Variants in GAB2 observed in about 807,000 individuals in gnomAD.
The protein encoded by GAB2 is GRB2 associated binding protein 2.
Under a neutral mutation model 65.5 loss-of-function variants are expected in GAB2, and 26 were observed. The ratio of observed to expected loss-of-function variants is 0.40; its 90% confidence interval spans 0.29 to 0.55. The LOEUF is 0.55. Ranked by LOEUF, GAB2 falls within the 20% of genes least tolerant of loss-of-function variation. GAB2 has a pLI of 0.53. For synonymous variants in GAB2, 321 were observed against 329.6 expected, an observed-to-expected ratio of 0.97 and a Z score of 0.28; for missense variants, 884 against 875.8, an observed-to-expected ratio of 1.01 and a Z score of -0.12.
intron 1 of GAB2, among the ~76,000 whole-genome samples, chr11:78,360,246 T>C (rs963171847): frequency 6.6e-6 from 1 of 152,108 alleles, no homozygotes; most frequent in African/African-American, 2.4e-5. Flanking sequence ...AGCCAACAAA[T>C]TTGTAGTCAT....
chr11:78,326,766 G>A (rs1382281986), intron 1 of GAB2, among the ~76,000 whole-genome samples: 9 of 152,150 alleles, frequency 5.9e-5, no homozygotes, highest in South Asian at 2.1e-4. Context: ...GAATTTTTCA[G>A]TCATCTCAGA....
At chr11:78,294,589 T>A (rs956992149) in intron 1 of GAB2, among the ~76,000 whole-genome samples, 1 of 152,094 alleles carries the variant, frequency 6.6e-6, no homozygotes, top group Admixed American at 6.6e-5. Context: ...TGTTTCCTGA[T>A]TTTTTAATGA....
rs189211579 is a variant in GAB2, at chr11:78,403,846, G to T, written c.75+13800C>A. On this transcript the variant is annotated intron_variant, in intron 1 of 9. Transcript: ENST00000361507. Reference sequence around the variant, plus strand: ...TATGTGTAAACTACTCATCTGACAAGGGATTAATAACTAGAATATATAAGG... The same window carrying T: ...TATGTGTAAACTACTCATCTGACAATGGATTAATAACTAGAATATATAAGG... Among the ~76,000 whole-genome samples the T allele has an allele frequency of 1.3e-4, 20 of 152,220 alleles. No homozygotes were observed. The East Asian group carries it at 3.7e-3, about 28-fold the overall frequency.
At chr11:78,399,602 A>G (rs1055924680) in intron 1 of GAB2, among the ~76,000 whole-genome samples, 6 of 152,164 alleles carry the variant, frequency 3.9e-5, no homozygotes, top group African/African-American at 1.4e-4. Context: ...AACTCCCTAA[A>G]ATTTGATGTG....
chr11:78,223,710 T>G (rs748391304), intron 5 of GAB2, 34 bp from the exon 6 acceptor site: 1 of 1,527,360 alleles, frequency 6.5e-7, no homozygotes, highest in Non-Finnish European at 8.8e-7. Context: ...AATACAGCTG[T>G]TACTAGCAAG....
intron 1 of GAB2, among the ~76,000 whole-genome samples, chr11:78,317,949 A>T (rs1295533505): frequency 6.6e-6 from 1 of 152,208 alleles, no homozygotes; most frequent in Non-Finnish European, 1.5e-5. Context: ...CTTACAAACA[A>T]CCTGGCAGGA....
chr11:78,232,025 A>T (rs887329938), intron 3 of GAB2: 1 of 152,236 alleles, frequency 6.6e-6, no homozygotes, highest in African/African-American at 2.4e-5. Context: ...CAATCTTTGT[A>T]TCTCAAACCC....
chr11:78,221,436 C>T (rs920660116), intron 8 of GAB2, among the ~76,000 whole-genome samples: 1 of 152,132 alleles, frequency 6.6e-6, no homozygotes, highest in African/African-American at 2.4e-5. Flanking sequence ...AGAGGCAGGC[C>T]CCTGCTCTTG....
intron 1 of GAB2, among the ~76,000 whole-genome samples, chr11:78,395,117 A>T (rs1675343590): frequency 6.6e-6 from 1 of 152,016 alleles, no homozygotes. Flanking sequence ...ATCTCCTCCC[A>T]CCCCTACACT....
chr11:78,381,403 T>C (rs1445760184), intron 1 of GAB2, among the ~76,000 whole-genome samples: 1 of 152,178 alleles, frequency 6.6e-6, no homozygotes, highest in Non-Finnish European at 1.5e-5. Context: ...TCTTGAGAGA[T>C]GAGTCTCAAA....
At chr11:78,314,063 G>A (rs566527926) in intron 1 of GAB2, among the ~76,000 whole-genome samples, 3 of 152,314 alleles carry the variant, frequency 2.0e-5, no homozygotes, top group Admixed American at 2.0e-4. Context: ...CAAGTCCTGT[G>A]CAATTCACCC....
Position 78,293,816 on chromosome 11 carries a change from C to G in GAB2, c.76-12915G>C, listed in dbSNP as rs567968913. Among the ~76,000 whole-genome samples, 394 of 152,076 alleles carry G rather than the reference C, an allele frequency of 2.6e-3. 7 individuals carry two copies. Among genetic ancestry groups the G allele is most frequent in the Middle Eastern group, 0.017 (5 of 294 alleles). On this transcript the variant is annotated intron_variant, in intron 1 of 9. Coordinates refer to ENST00000361507, the MANE Select transcript of GAB2 (RefSeq NM_080491.3). Reference sequence around the variant, plus strand: ...TATTTGTCGCCTAAGAACAGCCAACCGAGAGAGAGCAAGAGAAAAAGAGTA... The same window carrying G: ...TATTTGTCGCCTAAGAACAGCCAACGGAGAGAGAGCAAGAGAAAAAGAGTA...
chr11:78,288,020 A>G (rs1737133794), intron 1 of GAB2, among the ~76,000 whole-genome samples: 1 of 148,530 alleles, frequency 6.7e-6, no homozygotes, highest in Non-Finnish European at 1.5e-5. Flanking sequence ...CATATATAAA[A>G]GGTATACTGA....
At chr11:78,398,487 CAGAT>C (rs1445245857) in intron 1 of GAB2, among the ~76,000 whole-genome samples, 1 of 152,148 alleles carries the variant, frequency 6.6e-6, no homozygotes, top group Non-Finnish European at 1.5e-5. Flanking sequence ...AACAGAAAAA[CAGAT>C]AGATGAAATG....
At chr11:78,337,043 C>T (rs749760126) in intron 1 of GAB2, among the ~76,000 whole-genome samples, 27 of 152,208 alleles carry the variant, frequency 1.8e-4, no homozygotes, top group Non-Finnish European at 1.8e-4. Context: ...CTTCTGAAGA[C>T]TATAGTACTA....
rs756953639 is a variant in GAB2 at position 78,215,474 on chromosome 11, AAATT to A, written c.*3794_*3797del. The A allele has an allele frequency of 6.5e-6, 1 of 152,720 alleles. No homozygotes were observed. The highest frequency in any genetic ancestry group is 1.5e-5 in the Non-Finnish European group (1 of 68,058). 9.5% of individuals were successfully genotyped at this position (152,720 alleles called of 1,614,324 possible). On this transcript the variant is annotated 3_prime_UTR_variant, in exon 10 of 10. Transcript: ENST00000361507. ...TTTAAAAAAAAGAATACAACAGAAT[AAATT>A]AATAACTTAAGTGATTAGGCACCAA...
intron 9 of GAB2, among the ~76,000 whole-genome samples, 172 bp downstream of exon 9, chr11:78,220,147 C>T (rs1045495281): frequency 6.6e-6 from 1 of 151,858 alleles, no homozygotes; most frequent in Non-Finnish European, 1.5e-5. Flanking sequence ...GAATAGGAGT[C>T]TTTAGACCTA....
At chr11:78,355,967 G>A (rs994495472) in intron 1 of GAB2, among the ~76,000 whole-genome samples, 1 of 151,936 alleles carries the variant, frequency 6.6e-6, no homozygotes, top group Non-Finnish European at 1.5e-5. Context: ...GAGGTCAGGA[G>A]TTCAAGACCA....
At chr11:78,303,869 T>C (rs1855293338) in intron 1 of GAB2, among the ~76,000 whole-genome samples, 1 of 152,132 alleles carries the variant, frequency 6.6e-6, no homozygotes, top group Non-Finnish European at 1.5e-5. Context: ...GTCCTCTGCA[T>C]GTTGGAGAAA....
Sources: allele counts gnomAD v4.1 joint callset (sites outside exome capture counted in the v4.1 genomes callset), GRCh38; gene constraint gnomAD v4.1.1; transcripts MANE v1.5; gene names NCBI Gene and HGNC (gene_info 2026-07-23, HGNC 2026-07-21).